The following CYP39A1 variants were observed in gnomAD, a reference collection of about 807,000 sequenced individuals.
The protein encoded by CYP39A1 is 24-hydroxycholesterol 7-alpha-hydroxylase.
CYP39A1 carries 49 observed loss-of-function variants against 58.1 expected under a neutral mutation model. That is an observed-to-expected ratio of 0.84 (90% CI 0.67 to 1.07). CYP39A1 has a LOEUF of 1.07. CYP39A1 is among the 50% of genes least tolerant of loss of function. CYP39A1 has a pLI of 0.00. For synonymous variants in CYP39A1, 209 were observed against 187.6 expected, an observed-to-expected ratio of 1.11 and a Z score of -0.93; for missense variants, 531 against 539.4, an observed-to-expected ratio of 0.98 and a Z score of 0.16.
At chr6:46,592,681 C>T (rs1350224660) in intron 8 of CYP39A1, among the ~76,000 whole-genome samples, 4 of 152,210 alleles carry the variant, frequency 2.6e-5, no homozygotes, top group African/African-American at 7.2e-5. Flanking sequence ...TTCAGCTGAG[C>T]GTGGTCGTTT....
At chr6:46,617,048 C>A (rs1260532854) in intron 7 of CYP39A1, among the ~76,000 whole-genome samples, 1 of 152,050 alleles carries the variant, frequency 6.6e-6, no homozygotes, top group Non-Finnish European at 1.5e-5. Flanking sequence ...AGGTATGCAA[C>A]AAGTAAAGAT....
intron 8 of CYP39A1, among the ~76,000 whole-genome samples, chr6:46,592,882 G>T (rs1772926148): frequency 6.6e-6 from 1 of 152,120 alleles, no homozygotes; most frequent in South Asian, 2.1e-4. Context: ...CTTGAACCTG[G>T]GAGGTGGTGG....
chr6:46,582,242 T>C (rs1245596522), intron 10 of CYP39A1, among the ~76,000 whole-genome samples: 3 of 152,204 alleles, frequency 2.0e-5, no homozygotes, highest in Non-Finnish European at 4.4e-5. Context: ...ACTAAATTTA[T>C]GGGGATTTAA....
At chr6:46,631,585 C>A (rs1025627004) in intron 5 of CYP39A1, among the ~76,000 whole-genome samples, 9 of 152,190 alleles carry the variant, frequency 5.9e-5, no homozygotes, top group African/African-American at 1.9e-4. Flanking sequence ...TAGCAAAATG[C>A]AAGCAATAGA....
At chr6:46,617,179 T>C (rs750463060) in intron 7 of CYP39A1, among the ~76,000 whole-genome samples, 1 of 152,116 alleles carries the variant, frequency 6.6e-6, no homozygotes, top group Non-Finnish European at 1.5e-5. Context: ...GGAAAACAAC[T>C]GGGTTATAAA....
In CYP39A1 at chr6:46,550,450, A is replaced by T. The variant is rs370747624; in HGVS notation, c.1339-13T>A. On this transcript the variant is annotated splice_polypyrimidine_tract_variant and intron_variant, in intron 11 of 11. Coordinates refer to ENST00000275016, the MANE Select transcript of CYP39A1 (RefSeq NM_016593.5). ...AATGGAGATAACTCTAAAAACAGAA[A>T]TGCAGAAGAAATAGAAATTAAGAGA... 198 of 1,606,646 alleles carry T rather than the reference A, an allele frequency of 1.2e-4. No homozygotes were observed. The South Asian group carries it at 2.0e-3, about 16-fold the overall frequency.
intron 7 of CYP39A1, among the ~76,000 whole-genome samples, chr6:46,596,349 A>G (rs1208246400): frequency 1.3e-5 from 2 of 152,076 alleles, no homozygotes; most frequent in Non-Finnish European, 2.9e-5. Flanking sequence ...GATTACTGTA[A>G]TGTGATGGAT....
At chr6:46,616,855 T>C (rs920415250) in intron 7 of CYP39A1, among the ~76,000 whole-genome samples, 42 of 152,216 alleles carry the variant, frequency 2.8e-4, no homozygotes, top group Middle Eastern at 3.4e-3. Context: ...CTGAGTGAGA[T>C]GTGAGGTCAC....
chr6:46,603,141 A>T (rs916380961), intron 7 of CYP39A1, among the ~76,000 whole-genome samples: 1 of 152,206 alleles, frequency 6.6e-6, no homozygotes, highest in Non-Finnish European at 1.5e-5. Flanking sequence ...TGAGTTGGCA[A>T]ATTATGGCCA....
chr6:46,591,565 A>T (rs1772838703), intron 8 of CYP39A1, among the ~76,000 whole-genome samples: 1 of 152,092 alleles, frequency 6.6e-6, no homozygotes, highest in African/African-American at 2.4e-5. Flanking sequence ...TTTTAAATGA[A>T]TCACCAAATT....
At chr6:46,582,995 T>A (rs1772231338) in intron 10 of CYP39A1, 3 of 906,056 alleles carry the variant, frequency 3.3e-6, no homozygotes, top group Non-Finnish European at 4.0e-6. Flanking sequence ...CCTCTGATTT[T>A]AATTAATTTT....
intron 7 of CYP39A1, among the ~76,000 whole-genome samples, chr6:46,622,384 C>A (rs1243785391): frequency 7.2e-5 from 11 of 151,904 alleles, no homozygotes; most frequent in Non-Finnish European, 1.6e-4. Flanking sequence ...ATGTTACATG[C>A]ACACAAACTT....
intron 7 of CYP39A1, among the ~76,000 whole-genome samples, chr6:46,601,560 A>G (rs1773507388): frequency 6.6e-6 from 1 of 152,146 alleles, no homozygotes; most frequent in African/African-American, 2.4e-5. Flanking sequence ...TATAAAATGG[A>G]AATACAGAAA....
chr6:46,558,443 G>T (rs1316702047), intron 10 of CYP39A1, among the ~76,000 whole-genome samples: 1 of 152,160 alleles, frequency 6.6e-6, no homozygotes, highest in East Asian at 1.9e-4. Context: ...ATCATATCTC[G>T]TGAGAACTCA....
chr6:46,620,535 T>A (rs1480998836), intron 7 of CYP39A1, among the ~76,000 whole-genome samples: 1 of 152,146 alleles, frequency 6.6e-6, no homozygotes. Flanking sequence ...AATGAGTTGT[T>A]CATAGTGGCT....
intron 7 of CYP39A1, among the ~76,000 whole-genome samples, chr6:46,625,148 T>C (rs183241772): frequency 6.6e-6 from 1 of 152,188 alleles, no homozygotes; most frequent in Admixed American, 6.5e-5. Context: ...AACAGGTGTA[T>C]ATATATTTAA....
chr6:46,632,600 C>G (rs1277603947), intron 5 of CYP39A1, among the ~76,000 whole-genome samples: 1 of 151,538 alleles, frequency 6.6e-6, no homozygotes, highest in Non-Finnish European at 1.5e-5. Context: ...TTTATCTGTT[C>G]CTCTCCCCCC....
At chr6:46,651,837 T>C (rs1169042750) in intron 1 of CYP39A1, among the ~76,000 whole-genome samples, 2 of 152,188 alleles carry the variant, frequency 1.3e-5, no homozygotes, top group Non-Finnish European at 2.9e-5. Flanking sequence ...GTCTGTTCCT[T>C]AAAGTGCTCA....
At chr6:46,586,416 G>A in intron 10 of CYP39A1, 1 of 975,946 alleles carries the variant, frequency 1.0e-6, no homozygotes. Flanking sequence ...TGAAGTCAGG[G>A]ACCATGTTGG....
Sources: gnomAD v4.1 joint callset for allele counts (sites outside exome capture counted in the v4.1 genomes callset) on GRCh38, gnomAD v4.1.1 for gene constraint, MANE v1.5 for transcripts, NCBI Gene and HGNC (gene_info 2026-07-23, HGNC 2026-07-21) for gene names.